The following FNDC3A variants were observed in gnomAD, a reference collection of about 807,000 sequenced individuals.
FNDC3A encodes the protein fibronectin type III domain containing 3A.
FNDC3A carries 32 observed loss-of-function variants against 148.9 expected under a neutral mutation model. That is an observed-to-expected ratio of 0.21 (90% confidence interval 0.16 to 0.29). FNDC3A has a LOEUF of 0.29. Among genes scored for constraint, FNDC3A ranks in the 10% least tolerant of loss-of-function variants. FNDC3A has a pLI of 1.00. For synonymous variants in FNDC3A, 472 were observed against 473.6 expected (o/e 1.00, Z 0.04); for missense variants, 1,191 against 1,452.8 (o/e 0.82, Z 2.93).
chr13:49,202,266 G>GA (rs1323307927), intron 24 of FNDC3A, among the ~76,000 whole-genome samples: 3 of 152,026 alleles, frequency 2.0e-5, no homozygotes, highest in East Asian at 1.9e-4. Context: ...TTTGCTTAAA[G>GA]AAAAAAATCA....
intron 1 of FNDC3A, among the ~76,000 whole-genome samples, chr13:49,003,569 G>A (rs1291291448): frequency 1.3e-5 from 2 of 151,672 alleles, no homozygotes; most frequent in Admixed American, 6.6e-5. Context: ...ATATTTTTTT[G>A]TTTATGTTTT....
rs370672546 is a variant in FNDC3A at position 49,081,164 on chromosome 13, A to G, written c.175+5800A>G. Among the ~76,000 whole-genome samples, 147 of 152,316 alleles carry G rather than the reference A, an allele frequency of 9.7e-4. 1 individual carries two copies. The highest frequency in any genetic ancestry group is 3.4e-3 in the African/African-American group (140 of 41,582). ...GGCTTTTTCTCTTTTCGTCTGTGAT[A>G]CCTCAGAATGAATAAATGGGGCTAA... On this transcript the variant is annotated intron_variant, in intron 3 of 25. Transcript: ENST00000492622.
At chr13:49,000,195 C>T (rs1179469932) in intron 1 of FNDC3A, among the ~76,000 whole-genome samples, 1 of 152,186 alleles carries the variant, frequency 6.6e-6, no homozygotes, top group Non-Finnish European at 1.5e-5. Flanking sequence ...ATGTTTTCTT[C>T]TAGAAGTTCT....
At chr13:49,093,003 C>G (rs1879285618) in intron 3 of FNDC3A, among the ~76,000 whole-genome samples, 1 of 151,984 alleles carries the variant, frequency 6.6e-6, no homozygotes, top group Admixed American at 6.6e-5. Flanking sequence ...AGCCTCATAC[C>G]TAGTTATTGG....
rs144373647 is a variant in FNDC3A at position 49,190,047 on chromosome 13, C to T, written c.1945-968C>T. 1.5e-3 allele frequency among the ~76,000 whole-genome samples: 232 copies of T among 152,140 alleles called. 3 individuals are homozygous for T. In the East Asian group the frequency reaches 0.037, roughly 24 times the overall value. ...GACTACAGGTGCCTGCCACCATGCC[C>T]GGCTACTTTTTTGTATTTTTAGTAG... is the stretch of plus-strand genomic sequence containing the variant. On this transcript the variant is annotated intron_variant, in intron 17 of 25. Transcript: ENST00000492622.
intron 1 of FNDC3A, among the ~76,000 whole-genome samples, chr13:49,004,065 G>C (rs181636607): frequency 6.6e-6 from 1 of 152,066 alleles, no homozygotes; most frequent in African/African-American, 2.4e-5. Context: ...AATACATGCT[G>C]TAAGTTATTT....
rs1883238916 is a variant in FNDC3A, at chr13:49,150,691, A to G, written c.977+4756A>G. 2.0e-5 allele frequency among the ~76,000 whole-genome samples: 3 copies of G among 152,102 alleles called. No individual in the cohort carries two copies. In the South Asian group the frequency reaches 6.2e-4, roughly 31 times the overall value. Reference sequence around the variant, plus strand: ...GCCGGGCACGGTGGCTTACACCTCTAATCCCAGCACTTTGGGAAGCCGAGG... The same window carrying G: ...GCCGGGCACGGTGGCTTACACCTCTGATCCCAGCACTTTGGGAAGCCGAGG... On this transcript the variant is annotated intron_variant, in intron 8 of 25. Transcript: ENST00000492622.
chr13:49,153,328 T>C (rs1419685988), intron 8 of FNDC3A, among the ~76,000 whole-genome samples: 3 of 152,154 alleles, frequency 2.0e-5, no homozygotes, highest in Non-Finnish European at 4.4e-5. Context: ...TTTTGAGAAG[T>C]GTCTGTTCAT....
At chr13:49,126,269 T>TG (rs1202197535) in intron 4 of FNDC3A, among the ~76,000 whole-genome samples, 1 of 148,322 alleles carries the variant, frequency 6.7e-6, no homozygotes, top group African/African-American at 2.5e-5. Context: ...GGGTTTTTTT[T>TG]GTTTGTTTTT....
In FNDC3A at chr13:49,158,680, T is replaced by G. The variant is rs182758461; in HGVS notation, c.978-8564T>G. ...GCCATTGCTTTCGGTGTTTTAGTCA[T>G]GAAGTCCTTGCCTATGCCTATGTCC... On this transcript the variant is annotated intron_variant, in intron 8 of 25. Transcript: ENST00000492622. Among the ~76,000 whole-genome samples the G allele has an allele frequency of 4.6e-3, 707 of 152,368 alleles. 7 individuals carry two copies. The highest frequency in any genetic ancestry group is 0.016 in the African/African-American group (679 of 41,584).
At chr13:49,047,904 T>C (rs1456268593) in intron 2 of FNDC3A, among the ~76,000 whole-genome samples, 1 of 152,224 alleles carries the variant, frequency 6.6e-6, no homozygotes. Context: ...CTCAGTGTTA[T>C]CTGCTAGAAT....
chr13:49,001,636 C>T (rs186314967), intron 1 of FNDC3A, among the ~76,000 whole-genome samples: 15 of 152,144 alleles, frequency 9.9e-5, no homozygotes, highest in African/African-American at 2.2e-4. Flanking sequence ...GCTTTGGGGG[C>T]GGCTGTCTTT....
intron 3 of FNDC3A, among the ~76,000 whole-genome samples, chr13:49,104,697 A>T (rs1566251891): frequency 6.6e-6 from 1 of 152,208 alleles, no homozygotes; most frequent in Non-Finnish European, 1.5e-5. Context: ...AAAGTAAGAG[A>T]CATGTCCTAG....
chr13:49,111,736 A>T (rs1880590084), intron 3 of FNDC3A, among the ~76,000 whole-genome samples: 1 of 152,082 alleles, frequency 6.6e-6, no homozygotes. Flanking sequence ...AAAAAAAAAA[A>T]AAAAAAATCT....
At chr13:49,202,927 T>C (rs899105468) in intron 24 of FNDC3A, among the ~76,000 whole-genome samples, 1 of 152,210 alleles carries the variant, frequency 6.6e-6, no homozygotes. Context: ...TGAGCTATGA[T>C]CGCACCACTG....
At chr13:49,160,286 C>G (rs1459933259) in intron 8 of FNDC3A, among the ~76,000 whole-genome samples, 1 of 152,164 alleles carries the variant, frequency 6.6e-6, no homozygotes, top group Non-Finnish European at 1.5e-5. Flanking sequence ...ATTATTGCCT[C>G]AACTTCAGAG....
rs1593633897 is a variant in FNDC3A, at chr13:49,131,178, T to C, written c.294T>C (p.Pro98=). 6.2e-7 allele frequency: 1 copy of C among 1,614,098 alleles called. No homozygotes were observed. Among genetic ancestry groups the C allele is most frequent in the East Asian group, 2.2e-5 (1 of 44,882 alleles). ...GTGTTCGAAGAGTTGTCGTGGTCCC[T>C]CAGGCACCAGAGTTTCACCCTGGTA... ...DNGVRRVVVV[P]QAPEFHPGSH... is the part of the protein sequence containing the mutation. Residue 98 remains proline, a synonymous_variant, in exon 5 of 26, where the codon CCT becomes CCC. Coordinates refer to ENST00000492622, the MANE Select transcript of FNDC3A (RefSeq NM_001079673.2).
At chr13:48,978,764 T>C (rs574711854) in intron 1 of FNDC3A, among the ~76,000 whole-genome samples, 1 of 152,180 alleles carries the variant, frequency 6.6e-6, no homozygotes, top group Non-Finnish European at 1.5e-5. Context: ...ATTTATTCCA[T>C]TGAGCCTTTT....
chr13:49,146,036 T>A (rs1882975620), intron 8 of FNDC3A, 101 bp downstream of exon 8: 2 of 804,568 alleles, frequency 2.5e-6, no homozygotes, highest in Admixed American at 3.2e-5. Context: ...TTCACGCTTT[T>A]ATTCTGAATC....
Sources: allele counts gnomAD v4.1 joint callset (sites outside exome capture counted in the v4.1 genomes callset), GRCh38; gene constraint gnomAD v4.1.1; transcripts MANE v1.5; gene names NCBI Gene and HGNC (gene_info 2026-07-23, HGNC 2026-07-21).